The following TLL1 variants were observed in gnomAD, a reference collection of about 807,000 sequenced individuals.
The protein encoded by TLL1 is tolloid like 1.
TLL1 carries 49 observed loss-of-function variants against 128.2 expected under a neutral mutation model. The observed-to-expected ratio is 0.38, with a 90% CI of 0.30 to 0.48. The LOEUF (loss-of-function observed/expected upper bound fraction) is 0.48, where lower values mean the gene tolerates loss of function less well. TLL1 is among the 20% of genes least tolerant of loss of function. TLL1 has a pLI of 0.96. For missense variants in TLL1, 1,123 were observed against 1,242.0 expected, an observed-to-expected ratio of 0.90 and a Z score of 1.44; for synonymous variants, 454 against 418.8, an observed-to-expected ratio of 1.08 and a Z score of -1.03.
At chr4:166,067,151 T>TAACA (rs964505785) in intron 16 of TLL1, among the ~76,000 whole-genome samples, 4 of 151,826 alleles carry the variant, frequency 2.6e-5, no homozygotes, top group Admixed American at 2.0e-4. Flanking sequence ...TATACCCATG[T>TAACA]AACAAACCTG....
At chr4:165,952,940 T>C (rs1734595250) in intron 1 of TLL1, among the ~76,000 whole-genome samples, 1 of 152,186 alleles carries the variant, frequency 6.6e-6, no homozygotes, top group Non-Finnish European at 1.5e-5. Flanking sequence ...TGCTGACATT[T>C]TTTGCTTCAA....
At chr4:165,892,419 C>G (rs1731470984) in intron 1 of TLL1, among the ~76,000 whole-genome samples, 1 of 152,164 alleles carries the variant, frequency 6.6e-6, no homozygotes, top group South Asian at 2.1e-4. Flanking sequence ...ATGTAAGAGG[C>G]ACCATAATGC....
rs577922224 is a variant in TLL1, at chr4:165,989,270, T to G, written c.170-111T>G. The G allele has an allele frequency of 1.8e-5, 14 of 791,828 alleles. No individual in the cohort carries two copies. In the South Asian group the frequency reaches 1.8e-4, roughly 10 times the overall value. The allele number at this position is 791,828 out of a possible 1,614,324, so 49.1% of individuals were successfully genotyped here. A position where few individuals can be genotyped will look rare whatever the true frequency, so the allele number is the denominator to read the frequency against. On this transcript the variant is annotated intron_variant, in intron 1 of 20. Coordinates refer to ENST00000061240, the MANE Select transcript of TLL1 (RefSeq NM_012464.5). ...TTATGATTACTTTCTGAAAGATCTG[T>G]CTCTATCCAGACCACGTTTCCATAT... is the stretch of plus-strand genomic sequence containing the variant.
rs1742310684 is a variant in TLL1, at chr4:166,101,976, A to G, written c.*1100A>G. 6.6e-6 allele frequency: 1 copy of G among 152,452 alleles called. No individual in the cohort carries two copies. The highest frequency in any genetic ancestry group is 1.5e-5 in the Non-Finnish European group (1 of 67,950). 9.4% of individuals were successfully genotyped at this position (152,452 alleles called of 1,614,324 possible). ...TTTCTGAAAGACTTCTTATGGTGCT[A>G]TTCCATAAACTTTTTTTCAAACAAG... On this transcript the variant is annotated 3_prime_UTR_variant, in exon 21 of 21. Coordinates refer to ENST00000061240, the MANE Select transcript of TLL1 (RefSeq NM_012464.5).
chr4:165,900,679 C>A (rs1200881807), intron 1 of TLL1, among the ~76,000 whole-genome samples: 1 of 152,020 alleles, frequency 6.6e-6, no homozygotes, highest in Non-Finnish European at 1.5e-5. Flanking sequence ...TTTTTTCCGT[C>A]ATTTCAACCT....
chr4:166,059,990 A>G (rs1195097308), intron 14 of TLL1, 38 bp from the exon 15 acceptor site: 1 of 1,611,684 alleles, frequency 6.2e-7, no homozygotes, highest in Admixed American at 1.7e-5. Flanking sequence ...GGGTGACTTC[A>G]TGGGGAGAAT....
In TLL1 at chr4:166,100,998, A is replaced by T; in HGVS notation, c.*122A>T. ...AAGAGTTTGAACAAAAAATCCCTGTAAGACCAGAATTATCTTTGTACTAAA... is the reference window on the plus strand; with the variant it reads ...AAGAGTTTGAACAAAAAATCCCTGTTAGACCAGAATTATCTTTGTACTAAA... On this transcript the variant is annotated 3_prime_UTR_variant, in exon 21 of 21. Coordinates refer to ENST00000061240, the MANE Select transcript of TLL1 (RefSeq NM_012464.5). The T allele has an allele frequency of 7.8e-7, 1 of 1,279,446 alleles. No homozygotes were observed. The highest frequency in any genetic ancestry group is 1.1e-6 in the Non-Finnish European group (1 of 917,908). 79.3% of individuals were successfully genotyped at this position (1,279,446 alleles called of 1,614,324 possible). A position where few individuals can be genotyped will look rare whatever the true frequency, so the allele number is the denominator to read the frequency against.
At chr4:165,882,678 G>C (rs1218933894) in intron 1 of TLL1, among the ~76,000 whole-genome samples, 1 of 152,048 alleles carries the variant, frequency 6.6e-6, no homozygotes, top group East Asian at 1.9e-4. Flanking sequence ...GAGTGCAGTG[G>C]TGTGATCTCA....
intron 1 of TLL1, among the ~76,000 whole-genome samples, chr4:165,983,101 C>A (rs1736227421): frequency 6.6e-6 from 1 of 151,716 alleles, no homozygotes. Context: ...GCCATACACA[C>A]AAAAAAGTTT....
chr4:166,021,456 CAG>C (rs1738229060), intron 8 of TLL1, among the ~76,000 whole-genome samples: 2 of 127,794 alleles, frequency 1.6e-5, no homozygotes, highest in African/African-American at 6.0e-5. Flanking sequence ...TTTTTTGAGA[CAG>C]AGTCTCACTC....
At chr4:166,078,176 G>A (rs1174635448) in intron 18 of TLL1, 146 bp downstream of exon 18, 14 of 1,287,314 alleles carry the variant, frequency 1.1e-5, no homozygotes, top group African/African-American at 1.5e-5. Context: ...TTTCCTACTT[G>A]CACTAAAATC....
intron 1 of TLL1, among the ~76,000 whole-genome samples, chr4:165,918,800 C>G (rs1732900573): frequency 6.6e-6 from 1 of 151,990 alleles, no homozygotes; most frequent in South Asian, 2.1e-4. Flanking sequence ...TGTAGCTAGG[C>G]CTGGTTTTGG....
intron 8 of TLL1, 64 bp from the exon 9 acceptor site, chr4:166,025,248 CTTTG>C (rs1738436700): frequency 8.4e-7 from 1 of 1,186,798 alleles, no homozygotes; most frequent in Admixed American, 1.7e-5. Context: ...CCCTTCATGG[CTTTG>C]TTTATGATAT....
intron 1 of TLL1, among the ~76,000 whole-genome samples, chr4:165,979,161 A>G (rs1244068034): frequency 1.3e-5 from 2 of 152,112 alleles, no homozygotes; most frequent in Non-Finnish European, 2.9e-5. Context: ...ATACATGCAT[A>G]TCCTATGACC....
chr4:166,044,569 CA>C (rs1739376827), intron 12 of TLL1: 2 of 771,402 alleles, frequency 2.6e-6, no homozygotes, highest in African/African-American at 1.8e-5. Flanking sequence ...TGCTCCAGAC[CA>C]TTTTTTTTTT....
intron 9 of TLL1, chr4:166,030,643 T>G: frequency 1.3e-6 from 1 of 784,730 alleles, no homozygotes; most frequent in East Asian, 3.4e-5. Flanking sequence ...TTTTACAGTC[T>G]TATATGTAGG....
At chr4:166,029,607 C>T (rs1387993863) in intron 9 of TLL1, among the ~76,000 whole-genome samples, 1 of 151,994 alleles carries the variant, frequency 6.6e-6, no homozygotes, top group African/African-American at 2.4e-5. Flanking sequence ...AAACAGATCT[C>T]CAGAACTTTT....
At chr4:165,903,408 TC>T (rs1579463935) in intron 1 of TLL1, among the ~76,000 whole-genome samples, 1 of 150,390 alleles carries the variant, frequency 6.6e-6, no homozygotes, top group African/African-American at 2.5e-5. Flanking sequence ...TAGATCTTTT[TC>T]TTGTTTTTTT....
intron 1 of TLL1, among the ~76,000 whole-genome samples, chr4:165,894,313 G>A (rs912133304): frequency 6.6e-6 from 1 of 152,144 alleles, no homozygotes; most frequent in Non-Finnish European, 1.5e-5. Context: ...GAAGAAGCCA[G>A]AGGGAAGAAC....
Sources: allele counts gnomAD v4.1 joint callset (sites outside exome capture counted in the v4.1 genomes callset), GRCh38; gene constraint gnomAD v4.1.1; transcripts MANE v1.5; gene names NCBI Gene and HGNC (gene_info 2026-07-23, HGNC 2026-07-21).